ADGRG1: variants seen among roughly 807,000 people sequenced by gnomAD.
ADGRG1 encodes the protein 7-transmembrane protein with no EGF-like N-terminal domains-1.
A neutral mutation model predicts 73.5 loss-of-function variants in ADGRG1; 53 were observed. That is an observed-to-expected ratio of 0.72 (90% CI 0.58 to 0.91). The LOEUF is 0.91. Ranked by LOEUF, ADGRG1 falls within the 40% of genes least tolerant of loss-of-function variation. The pLI is 0.00. For synonymous variants in ADGRG1, 394 were observed against 374.4 expected (o/e 1.05, Z -0.60); for missense variants, 795 against 871.8 (o/e 0.91, Z 1.11).
rs1567822219 is a variant in ADGRG1, at chr16:57,661,885, C to T, written c.1853C>T (p.Ala618Val). The T allele has an allele frequency of 1.2e-6, 2 of 1,614,240 alleles. No homozygotes were observed. Among genetic ancestry groups the T allele is most frequent in the South Asian group, 1.1e-5 (1 of 91,088 alleles). The change falls in exon 13 of 14, where the codon GCC (alanine) becomes GTC (valine). Residue 618 changes from alanine to valine, a missense_variant. Coordinates refer to ENST00000562631, the MANE Select transcript of ADGRG1 (RefSeq NM_201525.4). ...AGCCTGGTCCTTGGCCTGCCCTGGG[C>T]CTTGATCTTCTTCTCCTTTGCTTCT... The part of the protein sequence containing the change: ...GLSLVLGLPW[A>V]LIFFSFASGT...
chr16:57,641,124 C>A, intron 1 of ADGRG1: 1 of 903,324 alleles, frequency 1.1e-6, no homozygotes, highest in Non-Finnish European at 1.3e-6. Flanking sequence ...AGGGCCCTGG[C>A]TGCAGAGAAG....
intron 1 of ADGRG1, chr16:57,632,068 C>T (rs2038095264): frequency 1.0e-6 from 1 of 985,380 alleles, no homozygotes; most frequent in African/African-American, 1.7e-5. Flanking sequence ...CTGCCAGGCC[C>T]TGGGCTCAGT....
chr16:57,657,631 A>G, intron 10 of ADGRG1, 140 bp downstream of exon 10: 1 of 762,822 alleles, frequency 1.3e-6, no homozygotes, highest in Non-Finnish European at 2.4e-6. Flanking sequence ...GTTTGGGGTA[A>G]GCTGACCCTT....
intron 1 of ADGRG1, chr16:57,632,874 C>G (rs1048261113): frequency 6.1e-6 from 6 of 985,248 alleles, no homozygotes; most frequent in Non-Finnish European, 6.0e-6. Context: ...CCAGCCCAAC[C>G]CTGGTGGCCT....
chr16:57,639,865 C>A (rs2040344603), intron 1 of ADGRG1: 3 of 968,388 alleles, frequency 3.1e-6, no homozygotes, highest in South Asian at 9.6e-5. Flanking sequence ...GATGGTGTAG[C>A]CAGTGGGTGG....
chr16:57,636,612 G>T (rs4784835), intron 1 of ADGRG1: 2 of 985,100 alleles, frequency 2.0e-6, no homozygotes, highest in Non-Finnish European at 2.4e-6. Flanking sequence ...GGATCTTCTA[G>T]ATCTTCTATC....
chr16:57,657,650 C>T (rs1433449283), intron 10 of ADGRG1, among the ~76,000 whole-genome samples, 159 bp downstream of exon 10: 1 of 152,204 alleles, frequency 6.6e-6, no homozygotes, highest in African/African-American at 2.4e-5. Flanking sequence ...TTGGGGGCCA[C>T]GTCTCCTCCT....
At chr16:57,644,905 T>G (rs1470282147) in intron 1 of ADGRG1, among the ~76,000 whole-genome samples, 1 of 121,280 alleles carries the variant, frequency 8.2e-6, no homozygotes, top group African/African-American at 3.2e-5. Flanking sequence ...CACACACTCA[T>G]CACTTCATAA....
chr16:57,643,820 G>C (rs2041486117), intron 1 of ADGRG1: 1 of 984,404 alleles, frequency 1.0e-6, no homozygotes, highest in East Asian at 1.1e-4. Flanking sequence ...TGGGGGAGGG[G>C]AGTGGGAATA....
Position 57,663,832 on chromosome 16 carries a change from G to A in ADGRG1, c.*250G>A. 3.5e-6 allele frequency: 2 copies of A among 572,428 alleles called. No homozygotes were observed. The highest frequency in any genetic ancestry group is 6.0e-5 in the East Asian group (2 of 33,330). 35.5% of individuals were successfully genotyped at this position (572,428 alleles called of 1,614,324 possible). A position where few individuals can be genotyped will look rare whatever the true frequency, so the allele number is the denominator to read the frequency against. On this transcript the variant is annotated 3_prime_UTR_variant, in exon 14 of 14. Coordinates refer to ENST00000562631, the MANE Select transcript of ADGRG1 (RefSeq NM_201525.4). ...GAAGTGCGCCGCCATGCTGCCTAGG[G>A]TACTGTCCCCACATCTGTCCCAACC... is the stretch of plus-strand genomic sequence containing the variant.
Position 57,628,719 on chromosome 16 carries a change from G to C in ADGRG1, c.-119G>C, listed in dbSNP as rs780609498. 1 of 985,550 alleles carries C rather than the reference G, an allele frequency of 1.0e-6. No homozygotes were observed. Among genetic ancestry groups the C allele is most frequent in the Non-Finnish European group, 1.2e-6 (1 of 829,990 alleles). 61.1% of individuals were successfully genotyped at this position (985,550 alleles called of 1,614,324 possible). On this transcript the variant is annotated 5_prime_UTR_variant, in exon 1 of 14. Transcript: ENST00000562631. ...CACTCGGCAGGCAGCGGGGACCAGGGCTGGCAGGTTAAGCCTCTGGGGGTG... is the reference window on the plus strand; with the variant it reads ...CACTCGGCAGGCAGCGGGGACCAGGCCTGGCAGGTTAAGCCTCTGGGGGTG...
intron 3 of ADGRG1, 27 bp downstream of exon 3, chr16:57,651,649 C>A (rs370820102): frequency 6.8e-6 from 11 of 1,605,894 alleles, no homozygotes; most frequent in Admixed American, 3.4e-5. Context: ...GCGGAGGGAA[C>A]AACTGGGCAG....
Position 57,663,672 on chromosome 16 carries a change from C to A in ADGRG1, c.*90C>A. The A allele has an allele frequency of 7.1e-7, 1 of 1,416,732 alleles. No individual in the cohort carries two copies. The highest frequency in any genetic ancestry group is 9.8e-7 in the Non-Finnish European group (1 of 1,016,144). 87.8% of individuals were successfully genotyped at this position (1,416,732 alleles called of 1,614,324 possible). A position where few individuals can be genotyped will look rare whatever the true frequency, so the allele number is the denominator to read the frequency against. On this transcript the variant is annotated 3_prime_UTR_variant, in exon 14 of 14. Transcript: ENST00000562631. ...CCCCGAGCCCGGCCCAGCCCCAGGCCAGTCAGCCGCAGACTTTGGAAAGCC... is the reference window on the plus strand; with the variant it reads ...CCCCGAGCCCGGCCCAGCCCCAGGCAAGTCAGCCGCAGACTTTGGAAAGCC...
upstream of ADGRG1, chr16:57,628,432 C>A: frequency 1.2e-6 from 1 of 800,576 alleles, no homozygotes; most frequent in Non-Finnish European, 1.5e-6. Context: ...CCCCCTTGCC[C>A]GGCGCTGAGT....
At chr16:57,654,211 T>G in intron 5 of ADGRG1, 78 bp downstream of exon 5, 1 of 1,406,562 alleles carries the variant, frequency 7.1e-7, no homozygotes, top group Non-Finnish European at 9.8e-7. Flanking sequence ...GAGCACTCCC[T>G]GAAGCTCAGT....
At position 57,654,030 on chromosome 16, in the gene ADGRG1, T is replaced by C; in HGVS notation, c.665T>C (p.Met222Thr). ...LESKLTSVRFMGDMVSFEEDR... is the reference protein window; with the variant it reads ...LESKLTSVRFTGDMVSFEEDR... ...TCGAAACTGACCTCTGTGAGATTCA[T>C]GGGGGACATGGTGTCCTTCGAGGAG... Residue 222 changes from methionine (M) to threonine (T), a missense_variant, in exon 5 of 14, where the codon ATG (methionine) becomes ACG (threonine). Transcript: ENST00000562631. 6.2e-7 allele frequency: 1 copy of C among 1,614,108 alleles called. No individual in the cohort carries two copies. The highest frequency in any genetic ancestry group is 8.5e-7 in the Non-Finnish European group (1 of 1,180,020).
At chr16:57,637,752 G>T in intron 1 of ADGRG1, 2 of 957,474 alleles carry the variant, frequency 2.1e-6, no homozygotes, top group Non-Finnish European at 2.5e-6. Flanking sequence ...GGGAGAAGGG[G>T]AGTTGCAGAG....
At chr16:57,652,151 T>C (rs2044260173) in intron 3 of ADGRG1, 2 of 1,014,612 alleles carry the variant, frequency 2.0e-6, no homozygotes, top group African/African-American at 3.4e-5. Flanking sequence ...GGGCGGAGTA[T>C]GAGAGGTCAA....
intron 12 of ADGRG1, chr16:57,661,355 C>A (rs1192628075): frequency 9.1e-6 from 9 of 984,938 alleles, no homozygotes; most frequent in East Asian, 1.1e-4. Flanking sequence ...GCCTGTGGAT[C>A]CCCTGAACCC....
Sources: allele counts gnomAD v4.1 joint callset (sites outside exome capture counted in the v4.1 genomes callset), GRCh38; gene constraint gnomAD v4.1.1; transcripts MANE v1.5; gene names NCBI Gene and HGNC (gene_info 2026-07-23, HGNC 2026-07-21).